DENND10: variants seen among roughly 807,000 people sequenced by gnomAD.
DENND10 encodes the protein DENN domain containing 10, also known as DENN domain-containing protein 10.
In DENND10, 24 loss-of-function variants were observed where a neutral mutation model predicts 43.6. The ratio of observed to expected loss-of-function variants is 0.55; its 90% CI spans 0.40 to 0.77. The LOEUF is 0.77. DENND10 is among the 30% of genes least tolerant of loss of function. The pLI is 0.00. For synonymous variants in DENND10, 125 were observed against 157.6 expected (o/e 0.79, Z 1.55); for missense variants, 303 against 429.9 (o/e 0.70, Z 2.61).
intron 1 of DENND10, among the ~76,000 whole-genome samples, chr10:119,106,419 C>G (rs1844699952): frequency 6.6e-6 from 1 of 152,164 alleles, no homozygotes; most frequent in Non-Finnish European, 1.5e-5. Context: ...TAGCTCACGA[C>G]AACCTCTGAA....
intron 7 of DENND10, among the ~76,000 whole-genome samples, chr10:119,130,654 G>A (rs949319035): frequency 6.6e-6 from 1 of 152,194 alleles, no homozygotes; most frequent in Non-Finnish European, 1.5e-5. Flanking sequence ...TGTAGAGGTA[G>A]TTTGGCTCAG....
intron 4 of DENND10, among the ~76,000 whole-genome samples, chr10:119,117,937 G>A (rs527268352): frequency 2.0e-5 from 3 of 151,814 alleles, no homozygotes; most frequent in South Asian, 4.2e-4. Flanking sequence ...ACTGCACTCC[G>A]GCCTGGGCAA....
rs947865441 is a variant in DENND10 at position 119,132,249 on chromosome 10, T to G, written c.803-266T>G. 1.3e-5 allele frequency among the ~76,000 whole-genome samples: 2 copies of G among 152,088 alleles called. No homozygotes were observed. Among genetic ancestry groups the G allele is most frequent in the African/African-American group, 2.4e-5 (1 of 41,428 alleles). On this transcript the variant is annotated intron_variant, in intron 7 of 8. Transcript: ENST00000361432. The surrounding 1 kb of genome is among the most constrained non-coding windows in gnomAD (Gnocchi z 4.2). The stretch of plus-strand genomic sequence containing the variant: ...ATTATGCTTTGTCTGGGAAGAAAAA[T>G]AAAAATTTTGGTCAGGTGGGTGTGA...
chr10:119,111,970 A>G (rs1844998225), intron 3 of DENND10, 42 bp downstream of exon 3: 2 of 1,401,842 alleles, frequency 1.4e-6, no homozygotes, highest in Non-Finnish European at 2.0e-6. Flanking sequence ...TACAAAATGA[A>G]GACCTTAGTA....
At chr10:119,110,456 G>T (rs1456240354) in intron 2 of DENND10, among the ~76,000 whole-genome samples, 1 of 151,680 alleles carries the variant, frequency 6.6e-6, no homozygotes, top group Non-Finnish European at 1.5e-5. Flanking sequence ...ATAAGTAAAT[G>T]AAGGTTTTTT....
At position 119,129,611 on chromosome 10, in the gene DENND10, C is replaced by T; in HGVS notation, c.791C>T (p.Pro264Leu). Residue 264 changes from proline (P) to leucine (L), a missense_variant, in exon 7 of 9, where the codon CCC becomes CTC. By Grantham distance (98) the Pro-to-Leu change is moderately conservative (BLOSUM62 -3). Coordinates refer to ENST00000361432, the MANE Select transcript of DENND10 (RefSeq NM_207009.4). ...GCAGAGAGTGAGATTACCATTGCTC[C>T]CCTTGCAAAAGGTTTGTTCTCTGTT... ...NLAESEITIA[P>L]LAKEAMAMGK... 6.2e-7 allele frequency: 1 copy of T among 1,608,170 alleles called. No individual in the cohort carries two copies. The highest frequency in any genetic ancestry group is 1.7e-4 in the Middle Eastern group (1 of 6,050).
intron 3 of DENND10, among the ~76,000 whole-genome samples, chr10:119,116,705 G>A (rs531165143): frequency 1.0e-3 from 143 of 138,148 alleles, no homozygotes; most frequent in Middle Eastern, 4.2e-3. Context: ...ATCTTGCTCT[G>A]TTGACCAGGC....
At chr10:119,124,368 T>C (rs1372357723) in intron 6 of DENND10, among the ~76,000 whole-genome samples, 1 of 38,476 alleles carries the variant, frequency 2.6e-5, no homozygotes, top group South Asian at 1.0e-3. Flanking sequence ...TCTACTAAAA[T>C]ACCAAAAAAA....
chr10:119,132,551 G>A lies in DENND10; in HGVS notation c.839G>A (p.Gly280Asp). The change falls in exon 8 of 9, where the codon GGT (glycine) becomes GAT (aspartate). Residue 280 changes from glycine to aspartate, a missense_variant. By Grantham distance (94) the Gly-to-Asp change is moderately conservative (BLOSUM62 -1). Transcript: ENST00000361432. The surrounding 1 kb of genome is among the most constrained non-coding windows in gnomAD (Gnocchi z 4.2). ...MAMGKLHKEM[G>D]QLIVQSAEDP... ...ATGGGCAAACTGCACAAAGAAATGG[G>A]TCAGCTAATTGTTCAGTCTGCAGAA... 6.2e-7 allele frequency: 1 copy of A among 1,614,172 alleles called. No homozygotes were observed. The highest frequency in any genetic ancestry group is 1.1e-5 in the South Asian group (1 of 91,084).
At chr10:119,135,548 C>A (rs1846286703) in intron 8 of DENND10, among the ~76,000 whole-genome samples, 3 of 151,966 alleles carry the variant, frequency 2.0e-5, no homozygotes, top group African/African-American at 7.3e-5. Context: ...ATAAGCCAGA[C>A]ACTAAAGGGT....
chr10:119,135,438 A>C (rs145773376), intron 8 of DENND10, among the ~76,000 whole-genome samples: 39 of 152,254 alleles, frequency 2.6e-4, no homozygotes, highest in African/African-American at 9.4e-4. Context: ...CTTAAAAAGG[A>C]ATGGAATGTT....
chr10:119,110,009 C>T (rs1034403574), intron 2 of DENND10, among the ~76,000 whole-genome samples: 2 of 151,942 alleles, frequency 1.3e-5, no homozygotes, highest in Admixed American at 1.3e-4. Context: ...GATGAGGTCT[C>T]ACTCTGTTGC....
At chr10:119,133,773 C>T (rs1846186782) in intron 8 of DENND10, 2 of 152,356 alleles carry the variant, frequency 1.3e-5, no homozygotes, top group East Asian at 3.9e-4. Context: ...ACACTGGAGA[C>T]TCTGGGGCCG....
intron 5 of DENND10, among the ~76,000 whole-genome samples, chr10:119,121,502 A>G (rs1589732137): frequency 7.7e-6 from 1 of 129,570 alleles, no homozygotes. Context: ...ACCAGGCTGG[A>G]GTGGTACAGT....
Position 119,115,640 on chromosome 10 carries a change from C to T in DENND10, c.333-1879C>T, listed in dbSNP as rs1239500606. 8.6e-5 allele frequency among the ~76,000 whole-genome samples: 13 copies of T among 150,716 alleles called. No individual in the cohort carries two copies. In the East Asian group the frequency reaches 2.1e-3, roughly 25 times the overall value. On this transcript the variant is annotated intron_variant, in intron 3 of 8. Transcript: ENST00000361432. ...TCCTGACCTCGTGATCCGCCCGCCT[C>T]GGCCTCCCAAAGTGCTGGAATTGGT...
chr10:119,122,256 C>T (rs957657711), intron 5 of DENND10, among the ~76,000 whole-genome samples: 20 of 152,294 alleles, frequency 1.3e-4, no homozygotes, highest in Non-Finnish European at 2.5e-4. Context: ...TGCAGTGAGC[C>T]ATGATCACGT....
intron 3 of DENND10, among the ~76,000 whole-genome samples, chr10:119,113,501 A>T (rs551034348): frequency 3.2e-5 from 1 of 31,040 alleles, no homozygotes; most frequent in East Asian, 6.7e-4. Context: ...CTAGCCCTTT[A>T]AAAAAAAAAA....
At chr10:119,106,084 C>T (rs1266125856) in intron 1 of DENND10, among the ~76,000 whole-genome samples, 10 of 152,038 alleles carry the variant, frequency 6.6e-5, no homozygotes, top group Admixed American at 6.6e-4. Context: ...ATCTCAGCTA[C>T]TTAGGAGGCT....
intron 3 of DENND10, among the ~76,000 whole-genome samples, chr10:119,113,637 G>A (rs1314155450): frequency 6.7e-6 from 1 of 149,834 alleles, no homozygotes; most frequent in East Asian, 1.9e-4. Context: ...CTAATAAATG[G>A]TAGGCTTTTG....
Sources: allele counts gnomAD v4.1 joint callset (sites outside exome capture counted in the v4.1 genomes callset), GRCh38; gene constraint gnomAD v4.1.1; non-coding constraint Gnocchi (gnomAD v3.1); transcripts MANE v1.5; gene names NCBI Gene and HGNC (gene_info 2026-07-23, HGNC 2026-07-21).